Variants in ARHGAP39 observed in about 807,000 individuals in gnomAD.
ARHGAP39 encodes the protein Rho GTPase activating protein 39.
A neutral mutation model predicts 106.9 loss-of-function variants in ARHGAP39; 44 were observed. That is an observed-to-expected ratio of 0.41 (90% CI 0.32 to 0.53). The LOEUF is 0.53. ARHGAP39 is among the 20% of genes least tolerant of loss of function. The pLI, the probability that ARHGAP39 is intolerant of heterozygous loss-of-function variation, is 0.21. For synonymous variants in ARHGAP39, 768 were observed against 693.2 expected, an observed-to-expected ratio of 1.11 and a Z score of -1.69; for missense variants, 1,496 against 1,577.3, an observed-to-expected ratio of 0.95 and a Z score of 0.87.
intron 1 of ARHGAP39, among the ~76,000 whole-genome samples, chr8:144,681,204 C>T (rs762497808): frequency 5.3e-5 from 8 of 152,210 alleles, no homozygotes; most frequent in Admixed American, 3.3e-4. Flanking sequence ...AAAGACACAA[C>T]GAGGCAAGCA....
chr8:144,644,866 G>A lies in ARHGAP39; in HGVS notation c.-81-39171C>T, dbSNP rs1364957207. On this transcript the variant is annotated intron_variant, in intron 1 of 11. Coordinates refer to ENST00000377307, the MANE Select transcript of ARHGAP39 (RefSeq NM_025251.3). This position sits in a 1 kb window ranked among gnomAD's most constrained non-coding sequence, Gnocchi z 4.8. ...CACCTGAGCCCCTTCCTCAGGAGCT[G>A]TGCTGCCTCCTCAGAACTCAATTTC... is the stretch of plus-strand genomic sequence containing the variant. 6.6e-6 allele frequency among the ~76,000 whole-genome samples: 1 copy of A among 152,242 alleles called. No individual in the cohort carries two copies. The highest frequency in any genetic ancestry group is 1.5e-5 in the Non-Finnish European group (1 of 68,042).
At chr8:144,593,466 T>A (rs1819483201) in intron 2 of ARHGAP39, among the ~76,000 whole-genome samples, 2 of 152,144 alleles carry the variant, frequency 1.3e-5, no homozygotes, top group Non-Finnish European at 2.9e-5. Context: ...AGAGCTAAAC[T>A]GACAAAACTC....
chr8:144,622,612 C>CA (rs1236864968), intron 1 of ARHGAP39, among the ~76,000 whole-genome samples: 1 of 152,202 alleles, frequency 6.6e-6, no homozygotes, highest in African/African-American at 2.4e-5. Context: ...TCAGAGTGGA[C>CA]ACTTGCGTTC....
rs562957064 is a variant in ARHGAP39, at chr8:144,604,012, G to A, written c.80+1523C>T. On this transcript the variant is annotated intron_variant, in intron 2 of 11. Transcript: ENST00000377307. The surrounding 1 kb of genome is among the most constrained non-coding windows in gnomAD (Gnocchi z 4.1). Reference sequence around the variant, plus strand: ...AACGGAGCTCACAGCCCACATCAGCGAACAAACGAATGAAGAACGAACAAA... The same window carrying A: ...AACGGAGCTCACAGCCCACATCAGCAAACAAACGAATGAAGAACGAACAAA... Among the ~76,000 whole-genome samples, 8 of 152,314 alleles carry A rather than the reference G, an allele frequency of 5.3e-5. No individual in the cohort carries two copies. Among genetic ancestry groups the A allele is most frequent in the South Asian group, 2.1e-4 (1 of 4,824 alleles).
At position 144,670,770 on chromosome 8, in the gene ARHGAP39, C is replaced by G. The variant is rs558971484; in HGVS notation, c.-82+14916G>C. Among the ~76,000 whole-genome samples, 1 of 152,310 alleles carries G rather than the reference C, an allele frequency of 6.6e-6. No individual in the cohort carries two copies. Among genetic ancestry groups the G allele is most frequent in the South Asian group, 2.1e-4 (1 of 4,826 alleles). ...AGATTTGCTGTCACAGCCTCATCCC[C>G]GTCCTTCAGACCACACACCGCAGCT... On this transcript the variant is annotated intron_variant, in intron 1 of 11. Transcript: ENST00000377307. The surrounding 1 kb of genome is among the most constrained non-coding windows in gnomAD (Gnocchi z 4.4).
At chr8:144,583,871 A>G (rs1446616216) in intron 2 of ARHGAP39, among the ~76,000 whole-genome samples, 1 of 152,228 alleles carries the variant, frequency 6.6e-6, no homozygotes, top group Non-Finnish European at 1.5e-5. Flanking sequence ...GAATCTTTCC[A>G]AGTGTCCAGT....
Position 144,547,669 on chromosome 8 carries a change from TGGC to T in ARHGAP39, c.1414_1416del (p.Ala472del). The T allele has an allele frequency of 6.4e-7, 1 of 1,564,656 alleles. No individual in the cohort carries two copies. Among genetic ancestry groups the T allele is most frequent in the Non-Finnish European group, 8.6e-7 (1 of 1,159,680 alleles). ...GTGTCCTGCTGGCTGGACCAGGACA[TGGC>T]ATCCTCCTGGGCCTGTGGCAGCGGC... On this transcript the variant is annotated inframe_deletion, in exon 5 of 12. Transcript: ENST00000377307. This position sits in a 1 kb window ranked among gnomAD's most constrained non-coding sequence, Gnocchi z 5.2.
At chr8:144,532,075 G>A (rs1382434979) in intron 10 of ARHGAP39, among the ~76,000 whole-genome samples, 4 of 151,138 alleles carry the variant, frequency 2.6e-5, no homozygotes, top group Non-Finnish European at 5.9e-5. Flanking sequence ...GCACAGGGCA[G>A]GGAGCAGCAG....
rs1041861280 is a variant in ARHGAP39, at chr8:144,671,886, G to C, written c.-82+13800C>G. Among the ~76,000 whole-genome samples, 1 of 152,234 alleles carries C rather than the reference G, an allele frequency of 6.6e-6. No individual in the cohort carries two copies. Among genetic ancestry groups the C allele is most frequent in the Non-Finnish European group, 1.5e-5 (1 of 68,044 alleles). On this transcript the variant is annotated intron_variant, in intron 1 of 11. Transcript: ENST00000377307. The surrounding 1 kb of genome is among the most constrained non-coding windows in gnomAD (Gnocchi z 4.5). ...CAGGCAACAGTAAAGACAGGGGCGA[G>C]ATGAGTGTGGGTGGGCCTGGCAAAC...
chr8:144,556,563 TTCA>T, intron 3 of ARHGAP39, among the ~76,000 whole-genome samples: 1 of 151,242 alleles, frequency 6.6e-6, no homozygotes, highest in Non-Finnish European at 1.5e-5. Flanking sequence ...CTTCATAGTA[TTCA>T]GAGGCAAAGG....
intron 2 of ARHGAP39, among the ~76,000 whole-genome samples, chr8:144,603,192 C>T (rs1240580529): frequency 3.0e-5 from 4 of 135,140 alleles, no homozygotes; most frequent in Non-Finnish European, 4.7e-5. Flanking sequence ...TGTGTGTGTG[C>T]GTGGAGGCGT....
chr8:144,649,471 A>G (rs565934358), intron 1 of ARHGAP39, among the ~76,000 whole-genome samples: 1 of 149,868 alleles, frequency 6.7e-6, no homozygotes, highest in African/African-American at 2.5e-5. Context: ...ATAATAAATA[A>G]TAGAAATGAC....
intron 1 of ARHGAP39, among the ~76,000 whole-genome samples, chr8:144,636,865 G>A (rs1181772586): frequency 6.6e-6 from 1 of 152,162 alleles, no homozygotes; most frequent in East Asian, 1.9e-4. Flanking sequence ...TACTACAAAG[G>A]AAATCACTTT....
chr8:144,532,497 G>T, intron 9 of ARHGAP39, 101 bp from the exon 10 acceptor site: 1 of 1,121,792 alleles, frequency 8.9e-7, no homozygotes, highest in Non-Finnish European at 1.3e-6. Context: ...GACCCGGGGA[G>T]GGGAGCAAAA....
intron 5 of ARHGAP39, 84 bp from the exon 6 acceptor site, chr8:144,545,894 G>C: frequency 7.8e-7 from 1 of 1,289,276 alleles, no homozygotes; most frequent in Non-Finnish European, 1.0e-6. Context: ...CCCCAGAAGT[G>C]TGAGCTGGGG....
chr8:144,600,459 T>C (rs1169627635), intron 2 of ARHGAP39, among the ~76,000 whole-genome samples: 4 of 143,782 alleles, frequency 2.8e-5, no homozygotes, highest in African/African-American at 1.1e-4. Flanking sequence ...TGCACTTGGG[T>C]ACCTACCTGC....
intron 2 of ARHGAP39, among the ~76,000 whole-genome samples, chr8:144,602,640 G>T (rs1400843558): frequency 2.1e-5 from 3 of 141,468 alleles, no homozygotes; most frequent in African/African-American, 8.0e-5. Context: ...AGGCGTGTGT[G>T]TGCTCGTGTA....
intron 1 of ARHGAP39, among the ~76,000 whole-genome samples, chr8:144,614,725 T>C (rs754453609): frequency 6.6e-6 from 1 of 152,192 alleles, no homozygotes; most frequent in South Asian, 2.1e-4. Context: ...GCTTCTGAGA[T>C]TGTCACACAG....
intron 9 of ARHGAP39, 152 bp from the exon 10 acceptor site, chr8:144,532,548 G>C: frequency 1.5e-6 from 1 of 653,222 alleles, no homozygotes; most frequent in Non-Finnish European, 2.7e-6. Context: ...TCTTTCCCAC[G>C]AACGTGGGTG....
Sources: allele counts gnomAD v4.1 joint callset (sites outside exome capture counted in the v4.1 genomes callset), GRCh38; gene constraint gnomAD v4.1.1; non-coding constraint Gnocchi (gnomAD v3.1); transcripts MANE v1.5; gene names NCBI Gene and HGNC (gene_info 2026-07-23, HGNC 2026-07-21).